POFUT3: variants seen among roughly 807,000 people sequenced by gnomAD.
POFUT3 encodes the protein protein O-fucosyltransferase 3.
At chr8:33,458,221 T>A in the POFUT3 span, among the ~76,000 whole-genome samples, 2 of 151,850 alleles carry the variant, frequency 1.3e-5, no homozygotes, top group Admixed American at 1.3e-4. Flanking sequence ...GAAAGAACCC[T>A]GCTGACACCT....
chr8:33,317,122 C>A, the POFUT3 span, among the ~76,000 whole-genome samples: 1 of 152,022 alleles, frequency 6.6e-6, no homozygotes, highest in Non-Finnish European at 1.5e-5. Context: ...AAATGAGCAA[C>A]CTGATAAGTA....
chr8:33,354,726 T>C, the POFUT3 span, among the ~76,000 whole-genome samples: 7 of 152,168 alleles, frequency 4.6e-5, no homozygotes, highest in Non-Finnish European at 8.8e-5. Flanking sequence ...ACATGTTATC[T>C]TCTATAATTG....
At chr8:33,470,236 C>CAAAAAAAAAAAAAAAAAAA in the POFUT3 span, among the ~76,000 whole-genome samples, 3 of 89,072 alleles carry the variant, frequency 3.4e-5, no homozygotes, top group African/African-American at 1.4e-4. Flanking sequence ...CCCATCTCTA[C>CAAAAAAAAAAAAAAAAAAA]AAAAAAAAAA....
At chr8:33,342,725 C>G in the POFUT3 span, among the ~76,000 whole-genome samples, 1 of 152,148 alleles carries the variant, frequency 6.6e-6, no homozygotes, top group African/African-American at 2.4e-5. Context: ...AATGTTACAG[C>G]CAAGCTAAAA....
the POFUT3 span, among the ~76,000 whole-genome samples, chr8:33,336,012 A>T: frequency 6.6e-6 from 1 of 152,166 alleles, no homozygotes; most frequent in Admixed American, 6.5e-5. Context: ...GGACTCGGGC[A>T]GTTCAAACGC....
the POFUT3 span, among the ~76,000 whole-genome samples, chr8:33,404,210 T>A: frequency 1.3e-5 from 2 of 152,028 alleles, no homozygotes; most frequent in African/African-American, 4.8e-5. Flanking sequence ...TGGTGGTGCA[T>A]GCCTGTAATC....
the POFUT3 span, among the ~76,000 whole-genome samples, chr8:33,323,456 A>C: frequency 7.9e-5 from 12 of 152,192 alleles, no homozygotes; most frequent in African/African-American, 2.9e-4. Flanking sequence ...TCTGCTTTCA[A>C]CACAGCGATG....
chr8:33,414,511 C>A, the POFUT3 span, among the ~76,000 whole-genome samples: 1 of 152,156 alleles, frequency 6.6e-6, no homozygotes, highest in African/African-American at 2.4e-5. Context: ...CCCAAACTGA[C>A]AAAGACACAC....
the POFUT3 span, among the ~76,000 whole-genome samples, chr8:33,337,292 A>T: frequency 6.6e-6 from 1 of 152,222 alleles, no homozygotes; most frequent in Non-Finnish European, 1.5e-5. Context: ...TTCACAAATA[A>T]TTATAAACAT....
chr8:33,309,754 A>G, the POFUT3 span, among the ~76,000 whole-genome samples: 1 of 152,194 alleles, frequency 6.6e-6, no homozygotes, highest in Admixed American at 6.5e-5. Context: ...TTGAAATTAT[A>G]TTAACCTTTA....
At chr8:33,372,844 A>T in the POFUT3 span, 1 of 1,571,532 alleles carries the variant, frequency 6.4e-7, no homozygotes, top group South Asian at 1.1e-5. Context: ...AAAACATATG[A>T]TAATGAAGCA....
At chr8:33,363,974 A>C in the POFUT3 span, among the ~76,000 whole-genome samples, 2 of 152,134 alleles carry the variant, frequency 1.3e-5, no homozygotes, top group Non-Finnish European at 2.9e-5. Flanking sequence ...CAAAAAAAGA[A>C]AATTTTGGAC....
chr8:33,367,400 G>T, the POFUT3 span, among the ~76,000 whole-genome samples: 1 of 152,168 alleles, frequency 6.6e-6, no homozygotes, highest in South Asian at 2.1e-4. Flanking sequence ...TTCGTTTCCC[G>T]TAAGGAATAC....
the POFUT3 span, among the ~76,000 whole-genome samples, chr8:33,446,254 C>T: frequency 1.3e-5 from 2 of 151,928 alleles, no homozygotes; most frequent in African/African-American, 2.4e-5. Context: ...GTCAGGAATT[C>T]GAGACCAGCC....
At chr8:33,431,083 A>G in the POFUT3 span, among the ~76,000 whole-genome samples, 1 of 152,134 alleles carries the variant, frequency 6.6e-6, no homozygotes, top group Admixed American at 6.5e-5. Context: ...GACGGTAGAG[A>G]AGGATTTCAA....
the POFUT3 span, among the ~76,000 whole-genome samples, chr8:33,328,828 G>A: frequency 6.6e-6 from 1 of 152,134 alleles, no homozygotes; most frequent in East Asian, 1.9e-4. Context: ...CCCAGTGAAT[G>A]GCAGAGCAGC....
the POFUT3 span, among the ~76,000 whole-genome samples, chr8:33,388,678 T>C: frequency 6.6e-6 from 1 of 152,136 alleles, no homozygotes; most frequent in Non-Finnish European, 1.5e-5. Flanking sequence ...TCCCCTTTTC[T>C]GCAGTTTTCT....
the POFUT3 span, among the ~76,000 whole-genome samples, chr8:33,430,853 C>CTGA: frequency 6.6e-6 from 1 of 152,124 alleles, no homozygotes; most frequent in South Asian, 2.1e-4. Flanking sequence ...GGTGATCCAC[C>CTGA]CGCCTCGGCC....
At chr8:33,373,775 A>G in the POFUT3 span, among the ~76,000 whole-genome samples, 1 of 152,226 alleles carries the variant, frequency 6.6e-6, no homozygotes, top group Non-Finnish European at 1.5e-5. Context: ...CACCATTAAA[A>G]TGAGAGTAAA....
Sources: gnomAD v4.1 joint callset for allele counts (sites outside exome capture counted in the v4.1 genomes callset) on GRCh38, gnomAD v4.1.1 for gene constraint, MANE v1.5 for transcripts, NCBI Gene and HGNC (gene_info 2026-07-23, HGNC 2026-07-21) for gene names.